CDC16: variants seen among roughly 807,000 people sequenced by gnomAD.
CDC16 encodes cell division cycle protein 16 homolog.
A neutral mutation model predicts 87.0 loss-of-function variants in CDC16; 34 were observed. The ratio of observed to expected loss-of-function variants is 0.39; its 90% CI spans 0.30 to 0.52. The LOEUF (loss-of-function observed/expected upper bound fraction) is 0.52. CDC16 is among the 20% of genes least tolerant of loss of function. The pLI, the probability that CDC16 is intolerant of heterozygous loss-of-function variation, is 0.74. For missense variants in CDC16, 653 were observed against 751.9 expected, an observed-to-expected ratio of 0.87 and a Z score of 1.54; for synonymous variants, 263 against 260.6, an observed-to-expected ratio of 1.01 and a Z score of -0.09.
At chr13:114,257,349 A>G (rs994792824) in intron 13 of CDC16, 119 bp downstream of exon 13, 4 of 645,692 alleles carry the variant, frequency 6.2e-6, no homozygotes, top group Non-Finnish European at 1.0e-5. Flanking sequence ...TAAATGTTCT[A>G]TTTTAGGAGA....
At chr13:114,243,447 T>C (rs1016571861) in intron 7 of CDC16, 99 bp downstream of exon 7, 6 of 653,304 alleles carry the variant, frequency 9.2e-6, no homozygotes, top group African/African-American at 7.3e-5. Context: ...ATTAAAACTT[T>C]TTAAATTTAG....
Position 114,234,937 on chromosome 13 carries a change from G to T in CDC16, c.-148G>T. ...GGTGGGGGGTGCGGGTGTGGGTGGG[G>T]ACCTGCGGCCTTCGAGTCCGCGGCC... On this transcript the variant is annotated 5_prime_UTR_variant, in exon 1 of 18. Coordinates refer to ENST00000356221, the MANE Select transcript of CDC16 (RefSeq NM_001078645.3). 2 of 457,662 alleles carry T rather than the reference G, an allele frequency of 4.4e-6. No individual in the cohort carries two copies. The highest frequency in any genetic ancestry group is 7.1e-6 in the Non-Finnish European group (2 of 281,514). The allele number at this position is 457,662 out of a possible 1,614,324, so 28.4% of individuals were successfully genotyped here.
In CDC16 at chr13:114,242,137, G is replaced by A; in HGVS notation, c.398G>A (p.Cys133Tyr). 1.2e-6 allele frequency: 2 copies of A among 1,609,566 alleles called. No individual in the cohort carries two copies. The highest frequency in any genetic ancestry group is 1.7e-6 in the Non-Finnish European group (2 of 1,178,868). Residue 133 changes from cysteine to tyrosine, a missense_variant, in exon 6 of 18, where the codon TGT becomes TAT. Coordinates refer to ENST00000356221, the MANE Select transcript of CDC16 (RefSeq NM_001078645.3). ...TTCCAACAGATAAAGAGTTCTATCT[G>A]TCTTCTACGCGGGAAAATCTATGAT... Reference protein sequence around the residue: ...MSQSSIKSSICLLRGKIYDAL... With the variant: ...MSQSSIKSSIYLLRGKIYDAL...
At chr13:114,243,802 ATTT>A in intron 7 of CDC16, 51 bp from the exon 8 acceptor site, 1 of 1,478,106 alleles carries the variant, frequency 6.8e-7, no homozygotes, top group Non-Finnish European at 9.3e-7. Context: ...TTGAATCCAC[ATTT>A]TATTTTGTTT....
intron 11 of CDC16, among the ~76,000 whole-genome samples, chr13:114,250,210 A>T (rs1330477880): frequency 6.6e-6 from 1 of 152,042 alleles, no homozygotes; most frequent in Non-Finnish European, 1.5e-5. Flanking sequence ...AATAATAAAT[A>T]GGCTGGGCGC....
intron 5 of CDC16, among the ~76,000 whole-genome samples, chr13:114,241,192 A>T (rs1040749613): frequency 6.6e-6 from 1 of 152,216 alleles, no homozygotes; most frequent in East Asian, 1.9e-4. Flanking sequence ...CACCACAGAG[A>T]TGGTAGCATC....
intron 3 of CDC16, among the ~76,000 whole-genome samples, chr13:114,238,076 C>CAGTT (rs566010319): frequency 1.2e-3 from 179 of 152,298 alleles, no homozygotes; most frequent in Non-Finnish European, 2.3e-3. Context: ...GGACACCCAG[C>CAGTT]AGTTATTCAC....
chr13:114,258,564 G>C (rs1302204589), intron 13 of CDC16, among the ~76,000 whole-genome samples: 4 of 152,164 alleles, frequency 2.6e-5, no homozygotes, highest in South Asian at 4.1e-4. Context: ...ACATGTATTA[G>C]AGAAGCTTCA....
chr13:114,235,007 G>T lies in CDC16; in HGVS notation c.-78G>T, dbSNP rs967185167. On this transcript the variant is annotated 5_prime_UTR_variant, in exon 1 of 18. Transcript: ENST00000356221. ...GCGGCGGCTGCAGGCACGGGCACGG[G>T]CACGGGGCGGGGTGCTTAGGGTGCA... 164 of 1,156,020 alleles carry T rather than the reference G, an allele frequency of 1.4e-4. No individual in the cohort carries two copies. Among genetic ancestry groups the T allele is most frequent in the Non-Finnish European group, 1.8e-4 (161 of 914,040 alleles). 71.6% of individuals were successfully genotyped at this position (1,156,020 alleles called of 1,614,324 possible).
intron 11 of CDC16, among the ~76,000 whole-genome samples, chr13:114,248,758 A>G (rs917105180): frequency 6.6e-6 from 1 of 152,156 alleles, no homozygotes; most frequent in Non-Finnish European, 1.5e-5. Flanking sequence ...TGATGCCACG[A>G]AAGTACCCTG....
chr13:114,254,290 T>C (rs1314712581), intron 12 of CDC16, among the ~76,000 whole-genome samples: 1 of 152,198 alleles, frequency 6.6e-6, no homozygotes, highest in Non-Finnish European at 1.5e-5. Context: ...TGTCTATACA[T>C]CACATCTTTT....
intron 9 of CDC16, 122 bp from the exon 10 acceptor site, chr13:114,245,878 G>T: frequency 1.6e-6 from 1 of 637,062 alleles, no homozygotes; most frequent in South Asian, 1.8e-5. Context: ...TAGAAGGAAA[G>T]ACAAGTATGA....
intron 1 of CDC16, among the ~76,000 whole-genome samples, chr13:114,236,375 A>G (rs969726485): frequency 2.6e-5 from 4 of 152,232 alleles, no homozygotes; most frequent in African/African-American, 9.6e-5. Context: ...GTTTCACGAT[A>G]CATTTTTACA....
At chr13:114,263,089 A>C in intron 16 of CDC16, 75 bp downstream of exon 16, 26 of 1,313,416 alleles carry the variant, frequency 2.0e-5, no homozygotes, top group Non-Finnish European at 2.8e-5. Flanking sequence ...TATTTTTTCT[A>C]GGTAATATTG....
intron 12 of CDC16, among the ~76,000 whole-genome samples, chr13:114,251,241 C>CA (rs1189035882): frequency 1.3e-5 from 2 of 152,104 alleles, no homozygotes; most frequent in Non-Finnish European, 2.9e-5. Flanking sequence ...AGTGGGAGTG[C>CA]AGTGGTCCAG....
In CDC16 at chr13:114,244,882, A is replaced by T. The variant is rs2081768253; in HGVS notation, c.768-8A>T. On this transcript the variant is annotated splice_region_variant and splice_polypyrimidine_tract_variant and intron_variant, in intron 8 of 17. Coordinates refer to ENST00000356221, the MANE Select transcript of CDC16 (RefSeq NM_001078645.3). ...TTGGGGGTAGTAATGTGTCGCTTTAACTTTCAGAGTAATGGAGAAAGATCC... is the reference window on the plus strand; with the variant it reads ...TTGGGGGTAGTAATGTGTCGCTTTATCTTTCAGAGTAATGGAGAAAGATCC... 1 of 1,603,184 alleles carries T rather than the reference A, an allele frequency of 6.2e-7. No individual in the cohort carries two copies. Among genetic ancestry groups the T allele is most frequent in the Non-Finnish European group, 8.5e-7 (1 of 1,171,522 alleles).
chr13:114,247,115 G>A, intron 11 of CDC16, 111 bp downstream of exon 11: 1 of 547,900 alleles, frequency 1.8e-6, no homozygotes, highest in Non-Finnish European at 3.2e-6. Flanking sequence ...AAGAATAAAT[G>A]TTTTTTTTTT....
chr13:114,245,220 T>G (rs1055766415), intron 9 of CDC16, among the ~76,000 whole-genome samples: 4 of 151,984 alleles, frequency 2.6e-5, no homozygotes, highest in African/African-American at 9.7e-5. Flanking sequence ...CATTTATGTT[T>G]CAAGGTTTGT....
chr13:114,242,685 C>A (rs762394990), intron 6 of CDC16: 8 of 174,586 alleles, frequency 4.6e-5, no homozygotes, highest in Non-Finnish European at 6.1e-5. Flanking sequence ...GAGAATCAGT[C>A]CAAGTATGTT....
Sources: allele counts gnomAD v4.1 joint callset (sites outside exome capture counted in the v4.1 genomes callset), GRCh38; gene constraint gnomAD v4.1.1; transcripts MANE v1.5; gene names NCBI Gene and HGNC (gene_info 2026-07-23, HGNC 2026-07-21).